DNAH9: variants seen among roughly 807,000 people sequenced by gnomAD.
DNAH9 encodes the protein dynein axonemal heavy chain 9.
A neutral mutation model predicts 471.6 loss-of-function variants in DNAH9; 345 were observed. The observed-to-expected ratio is 0.73, with a 90% CI of 0.67 to 0.80. The LOEUF (loss-of-function observed/expected upper bound fraction) is 0.80. Ranked by LOEUF, DNAH9 falls within the 30% of genes least tolerant of loss-of-function variation. The pLI is 0.00. For synonymous variants in DNAH9, 2,093 were observed against 2,123.6 expected (o/e 0.99, Z 0.40); for missense variants, 5,407 against 5,609.2 (o/e 0.96, Z 1.15).
Position 11,699,651 on chromosome 17 carries a change from C to G in DNAH9, c.4873-80C>G. 4 of 1,288,318 alleles carry G rather than the reference C, an allele frequency of 3.1e-6. No homozygotes were observed. In the South Asian group the frequency reaches 5.0e-5, roughly 16 times the overall value. The allele number at this position is 1,288,318 out of a possible 1,614,324, so 79.8% of individuals were successfully genotyped here. A position where few individuals can be genotyped will look rare whatever the true frequency, so the allele number is the denominator to read the frequency against. On this transcript the variant is annotated intron_variant, in intron 22 of 68. Transcript: ENST00000262442. ...ACTCTGTCTTTCACAATGATTGCCA[C>G]ATGGTAGGCCTCTAAACAATTCTAA...
At chr17:11,931,587 T>C (rs1035043719) in intron 63 of DNAH9, among the ~76,000 whole-genome samples, 10 of 152,006 alleles carry the variant, frequency 6.6e-5, no homozygotes, top group African/African-American at 2.4e-4. Flanking sequence ...CCAGCTTAAC[T>C]CCCAGGCAGT....
chr17:11,932,115 C>T lies in DNAH9; in HGVS notation c.12207C>T (p.Pro4069=), dbSNP rs765735607. 2.5e-6 allele frequency: 4 copies of T among 1,613,968 alleles called. No homozygotes were observed. The highest frequency in any genetic ancestry group is 3.4e-6 in the Non-Finnish European group (4 of 1,180,032). ...AVVAERRKFG[P]QGWNRSYPFN... ...TGGCAGAAAGACGAAAATTTGGGCC[C>T]CAGGGATGGAATCGCTCATACCCCT... The change falls in exon 64 of 69, where the codon CCC becomes CCT. Residue 4069 remains proline, a synonymous_variant. Coordinates refer to ENST00000262442, the MANE Select transcript of DNAH9 (RefSeq NM_001372.4). The surrounding 1 kb of genome is among the most constrained non-coding windows in gnomAD (Gnocchi z 4.3).
chr17:11,669,206 G>A lies in DNAH9; in HGVS notation c.2874G>A (p.Arg958=). Residue 958 remains arginine (R), a synonymous_variant, in exon 16 of 69, where the codon AGG becomes AGA. Coordinates refer to ENST00000262442, the MANE Select transcript of DNAH9 (RefSeq NM_001372.4). Reference sequence around the variant, plus strand: ...AGGGTCTCATCACCAGCATTTTTAGGATACCATCTCTGGTGCCACGGCTTT... The same window carrying A: ...AGGGTCTCATCACCAGCATTTTTAGAATACCATCTCTGGTGCCACGGCTTT... The part of the protein sequence containing the change: ...IVEGLITSIF[R]IPSLVPRLSP... 6.2e-7 allele frequency: 1 copy of A among 1,613,994 alleles called. No individual in the cohort carries two copies.
At chr17:11,866,339 T>A (rs12449704) in intron 50 of DNAH9, among the ~76,000 whole-genome samples, 3 of 152,060 alleles carry the variant, frequency 2.0e-5, no homozygotes, top group Admixed American at 6.5e-5. Flanking sequence ...GTGGTTTTTC[T>A]TGAACCGCGA....
chr17:11,649,577 C>A (rs750476243), intron 12 of DNAH9, among the ~76,000 whole-genome samples: 6 of 152,004 alleles, frequency 3.9e-5, no homozygotes, highest in Non-Finnish European at 7.4e-5. Flanking sequence ...TCTGGGCTAA[C>A]GGGCATTCAC....
chr17:11,616,944 C>G (rs1181111360), intron 4 of DNAH9, among the ~76,000 whole-genome samples: 1 of 152,186 alleles, frequency 6.6e-6, no homozygotes, highest in African/African-American at 2.4e-5. Flanking sequence ...TATAAAGATT[C>G]CTATTGAACT....
In DNAH9 at chr17:11,892,810, T is replaced by G. The variant is rs893625367; in HGVS notation, c.11283+863T>G. Among the ~76,000 whole-genome samples the G allele has an allele frequency of 6.6e-6, 1 of 152,162 alleles. No homozygotes were observed. Among genetic ancestry groups the G allele is most frequent in the African/African-American group, 2.4e-5 (1 of 41,436 alleles). On this transcript the variant is annotated intron_variant, in intron 58 of 68. Coordinates refer to ENST00000262442, the MANE Select transcript of DNAH9 (RefSeq NM_001372.4). The surrounding 1 kb of genome is among the most constrained non-coding windows in gnomAD (Gnocchi z 4.3). ...CTCAGGTGATCCACCCGCCTCGGCCTACCAAAGTGCTGGGATTACAGGCAT... is the reference window on the plus strand; with the variant it reads ...CTCAGGTGATCCACCCGCCTCGGCCGACCAAAGTGCTGGGATTACAGGCAT...
intron 5 of DNAH9, among the ~76,000 whole-genome samples, chr17:11,618,450 G>A (rs2072789154): frequency 6.6e-6 from 1 of 152,138 alleles, no homozygotes; most frequent in African/African-American, 2.4e-5. Flanking sequence ...GCTGGGCGTG[G>A]TGGTGCACGC....
At chr17:11,902,656 C>T in intron 59 of DNAH9, 63 bp from the exon 60 acceptor site, 2 of 1,485,236 alleles carry the variant, frequency 1.3e-6, no homozygotes, top group Non-Finnish European at 1.8e-6. Context: ...CTCAATCCCC[C>T]AACACAATGC....
At chr17:11,724,499 T>C (rs1010856024) in intron 27 of DNAH9, among the ~76,000 whole-genome samples, 11 of 152,246 alleles carry the variant, frequency 7.2e-5, no homozygotes, top group African/African-American at 2.7e-4. Context: ...TTGCTGCAAA[T>C]GACAGGATTT....
At chr17:11,782,387 C>T (rs552743271) in intron 39 of DNAH9, among the ~76,000 whole-genome samples, 83 of 152,316 alleles carry the variant, frequency 5.4e-4, no homozygotes, top group African/African-American at 1.9e-3. Flanking sequence ...TCCCACCACA[C>T]CTCAGCTGAT....
intron 61 of DNAH9, among the ~76,000 whole-genome samples, chr17:11,923,533 G>A (rs1258785930): frequency 5.9e-5 from 9 of 151,866 alleles, no homozygotes; most frequent in Admixed American, 3.9e-4. Flanking sequence ...GGATGGTCTC[G>A]ATCTCCTGAC....
chr17:11,814,434 A>G (rs973661640), intron 45 of DNAH9, among the ~76,000 whole-genome samples: 1 of 152,160 alleles, frequency 6.6e-6, no homozygotes, highest in Non-Finnish European at 1.5e-5. Context: ...TTGGAATCCT[A>G]TGTTAGGATT....
At position 11,937,536 on chromosome 17, in the gene DNAH9, G is replaced by A; in HGVS notation, c.12660+14G>A. 6.2e-7 allele frequency: 1 copy of A among 1,601,102 alleles called. No individual in the cohort carries two copies. The highest frequency in any genetic ancestry group is 8.5e-7 in the Non-Finnish European group (1 of 1,172,636). On this transcript the variant is annotated intron_variant, in intron 66 of 68. Coordinates refer to ENST00000262442, the MANE Select transcript of DNAH9 (RefSeq NM_001372.4). The surrounding 1 kb of genome is among the most constrained non-coding windows in gnomAD (Gnocchi z 4.1). ...AGAGAAGAAAAGGTGTGTGTGGTGG[G>A]GACTGCCTGAGGTCGTTCTGGGGGA...
rs150462650 is a variant in DNAH9 at position 11,679,836 on chromosome 17, T to A, written c.3433T>A (p.Leu1145Met). Residue 1145 changes from leucine (L) to methionine (M), a missense_variant, in exon 18 of 69, where the codon TTG becomes ATG. Around this residue, in one of 3 missense-constraint regions of DNAH9, gnomAD observed 4,636 missense variants for 4,900.3 expected, o/e 0.95. Transcript: ENST00000262442. ...AGTTGAAAAAGGAGATTTCCAAGGC[T>A]TGGTTGAGATCATGGGACACCTTAT... is the stretch of plus-strand genomic sequence containing the variant. ...KKVEKGDFQG[L>M]VEIMGHLMAV... 2.2e-5 allele frequency: 36 copies of A among 1,614,014 alleles called. No homozygotes were observed. Among genetic ancestry groups the A allele is most frequent in the African/African-American group, 6.7e-5 (5 of 74,918 alleles).
At chr17:11,679,521 C>T (rs1389229307) in intron 17 of DNAH9, among the ~76,000 whole-genome samples, 5 of 152,186 alleles carry the variant, frequency 3.3e-5, no homozygotes, top group Admixed American at 6.5e-5. Flanking sequence ...GTGTCTCCTC[C>T]TGAGTCTCCT....
rs941591640 is a variant in DNAH9 at position 11,866,015 on chromosome 17, C to G, written c.9934-3119C>G. Among the ~76,000 whole-genome samples the G allele has an allele frequency of 2.4e-4, 36 of 152,372 alleles. 1 individual carries two copies. The highest frequency in any genetic ancestry group is 4.6e-4 in the Admixed American group (7 of 15,308). On this transcript the variant is annotated intron_variant, in intron 50 of 68. Coordinates refer to ENST00000262442, the MANE Select transcript of DNAH9 (RefSeq NM_001372.4). ...ATCGTCTGAAGCCTTCTTCTCTCAA[C>G]TCGTCAAAGTCATTCTCCGTCCAGC...
At chr17:11,933,737 T>C (rs1353579591) in intron 64 of DNAH9, 143 bp from the exon 65 acceptor site, 21 of 736,934 alleles carry the variant, frequency 2.8e-5, no homozygotes, top group Non-Finnish European at 4.3e-5. Context: ...GCACTGAGGG[T>C]ATGGAGAAAA....
intron 39 of DNAH9, among the ~76,000 whole-genome samples, chr17:11,782,890 C>T (rs775726844): frequency 3.3e-5 from 5 of 151,894 alleles, no homozygotes; most frequent in African/African-American, 9.7e-5. Flanking sequence ...AGCAAGACTC[C>T]GTCTCAAAAA....
Sources: gnomAD v4.1 joint callset for allele counts (sites outside exome capture counted in the v4.1 genomes callset) on GRCh38, gnomAD v4.1.1 for gene constraint, gnomAD v4.1.1 regional missense constraint, Gnocchi (gnomAD v3.1) non-coding constraint, MANE v1.5 for transcripts, NCBI Gene and HGNC (gene_info 2026-07-23, HGNC 2026-07-21) for gene names.